Variants in DCC observed in about 807,000 individuals in gnomAD.
DCC encodes the protein netrin receptor DCC.
DCC carries 58 observed loss-of-function variants against 172.5 expected under a neutral mutation model. The observed-to-expected ratio is 0.34, with a 90% CI of 0.27 to 0.42. The LOEUF is 0.42. DCC is among the 10% of genes least tolerant of loss of function. The probability of loss-of-function intolerance (pLI) is 1.00; values close to 1 mark genes in which losing one functional copy is unlikely to be tolerated. For synonymous variants in DCC, 709 were observed against 644.5 expected (o/e 1.10, Z -1.52); for missense variants, 1,740 against 1,791.0 (o/e 0.97, Z 0.51).
chr18:53,298,715 G>A (rs1447090589), intron 12 of DCC, among the ~76,000 whole-genome samples: 3 of 151,790 alleles, frequency 2.0e-5, no homozygotes, highest in Non-Finnish European at 4.4e-5. Flanking sequence ...TTCAGAAGGT[G>A]GCCCTCCTTG....
At chr18:53,225,630 A>T (rs1486159806) in intron 12 of DCC, among the ~76,000 whole-genome samples, 2 of 152,312 alleles carry the variant, frequency 1.3e-5, no homozygotes, top group East Asian at 3.9e-4. Context: ...AGGAACAAGT[A>T]TTGAGGATTT....
chr18:52,770,378 G>A (rs1417736626), intron 2 of DCC, among the ~76,000 whole-genome samples: 1 of 152,166 alleles, frequency 6.6e-6, no homozygotes, highest in Non-Finnish European at 1.5e-5. Context: ...CTTTCTCTGA[G>A]CTATCTGTTG....
chr18:52,739,450 C>T (rs999027435), intron 1 of DCC, among the ~76,000 whole-genome samples: 1 of 152,030 alleles, frequency 6.6e-6, no homozygotes, highest in Non-Finnish European at 1.5e-5. Flanking sequence ...ATGTTTGCTC[C>T]CTTGGAGTTT....
At chr18:53,508,118 C>T (rs535575112) in intron 27 of DCC, among the ~76,000 whole-genome samples, 2 of 152,090 alleles carry the variant, frequency 1.3e-5, no homozygotes, top group Non-Finnish European at 2.9e-5. Context: ...TGGTCTCGAT[C>T]TCCTGACCTT....
chr18:53,043,358 A>C (rs2042195576), intron 5 of DCC, among the ~76,000 whole-genome samples: 3 of 151,952 alleles, frequency 2.0e-5, no homozygotes, highest in African/African-American at 7.2e-5. Context: ...GAAATACCTA[A>C]TGTAGATGAC....
chr18:53,100,647 A>C (rs2043159387), intron 7 of DCC, among the ~76,000 whole-genome samples: 1 of 151,834 alleles, frequency 6.6e-6, no homozygotes, highest in Non-Finnish European at 1.5e-5. Context: ...AAAGGGAAGA[A>C]AGAAAGGGAA....
intron 9 of DCC, among the ~76,000 whole-genome samples, chr18:53,203,854 C>A (rs143977696): frequency 4.7e-4 from 71 of 152,246 alleles, no homozygotes; most frequent in African/African-American, 1.5e-3. Flanking sequence ...TTTTAGGTAA[C>A]CATAGTGTGG....
intron 1 of DCC, among the ~76,000 whole-genome samples, chr18:52,692,766 A>T (rs893068984): frequency 6.6e-6 from 1 of 152,090 alleles, no homozygotes; most frequent in Admixed American, 6.6e-5. Flanking sequence ...TATTTACAAC[A>T]TTTCTAAATT....
intron 21 of DCC, among the ~76,000 whole-genome samples, chr18:53,423,168 C>T (rs1910729925): frequency 6.6e-6 from 1 of 152,138 alleles, no homozygotes; most frequent in Admixed American, 6.5e-5. Context: ...CTTCTCACAC[C>T]TGTAAGGTAG....
At chr18:53,295,351 GA>G (rs1160983968) in intron 12 of DCC, among the ~76,000 whole-genome samples, 1 of 151,924 alleles carries the variant, frequency 6.6e-6, no homozygotes, top group African/African-American at 2.4e-5. Flanking sequence ...ATATCATATT[GA>G]TATTTTATCA....
At chr18:53,336,253 A>G (rs1341916847) in intron 14 of DCC, among the ~76,000 whole-genome samples, 10 of 152,136 alleles carry the variant, frequency 6.6e-5, no homozygotes, top group Non-Finnish European at 1.3e-4. Flanking sequence ...AGTAATAGTC[A>G]TATTATATAT....
intron 2 of DCC, among the ~76,000 whole-genome samples, chr18:52,814,701 G>C (rs2038260374): frequency 6.6e-6 from 1 of 152,158 alleles, no homozygotes; most frequent in South Asian, 2.1e-4. Context: ...TATTTAATTA[G>C]AATTCATAGG....
chr18:53,141,416 A>C (rs2043828394), intron 7 of DCC, among the ~76,000 whole-genome samples: 2 of 152,222 alleles, frequency 1.3e-5, no homozygotes, highest in African/African-American at 4.8e-5. Context: ...TTAATAGTCA[A>C]AGATGGGGAA....
intron 7 of DCC, among the ~76,000 whole-genome samples, chr18:53,076,499 T>G (rs1273951900): frequency 6.6e-6 from 1 of 152,164 alleles, no homozygotes; most frequent in Non-Finnish European, 1.5e-5. Flanking sequence ...CTGTATCAAG[T>G]CAGCAGCTGT....
intron 2 of DCC, among the ~76,000 whole-genome samples, chr18:52,830,193 C>G (rs767646313): frequency 6.6e-6 from 1 of 152,214 alleles, no homozygotes; most frequent in Non-Finnish European, 1.5e-5. Flanking sequence ...TTGTCCAACT[C>G]GCGGCCCCAT....
chr18:53,110,448 G>C (rs544503988), intron 7 of DCC, among the ~76,000 whole-genome samples: 2 of 151,688 alleles, frequency 1.3e-5, no homozygotes, highest in East Asian at 3.9e-4. Context: ...ACCCAACCAA[G>C]AAAACAAAAG....
intron 15 of DCC, among the ~76,000 whole-genome samples, chr18:53,346,846 T>G (rs1277694893): frequency 6.6e-6 from 1 of 152,222 alleles, no homozygotes; most frequent in Non-Finnish European, 1.5e-5. Flanking sequence ...TTTTAGACTA[T>G]ATGTTAGGCA....
intron 1 of DCC, among the ~76,000 whole-genome samples, chr18:52,684,191 G>A (rs1353782828): frequency 1.3e-5 from 2 of 152,144 alleles, no homozygotes; most frequent in East Asian, 3.9e-4. Context: ...TTGTGGTGAG[G>A]TTATATTCTG....
chr18:53,094,220 A>G (rs2043052524), intron 7 of DCC, among the ~76,000 whole-genome samples: 1 of 152,214 alleles, frequency 6.6e-6, no homozygotes, highest in African/African-American at 2.4e-5. Context: ...TTGGTTTTGT[A>G]ATAAAACTTG....
Sources: allele counts gnomAD v4.1 joint callset (sites outside exome capture counted in the v4.1 genomes callset), GRCh38; gene constraint gnomAD v4.1.1; transcripts MANE v1.5; gene names NCBI Gene and HGNC (gene_info 2026-07-23, HGNC 2026-07-21).